The following TSHZ2 variants were observed in gnomAD, a reference collection of about 807,000 sequenced individuals.
TSHZ2 encodes the protein teashirt zinc finger homeobox 2.
Under a neutral mutation model 74.4 loss-of-function variants are expected in TSHZ2, and 21 were observed. That is an observed-to-expected ratio of 0.28 (90% CI 0.20 to 0.41). The LOEUF is 0.41. TSHZ2 is among the 10% of genes least tolerant of loss of function. The pLI is 1.00. For missense variants in TSHZ2, 1,244 were observed against 1,293.5 expected (o/e 0.96, Z 0.59); for synonymous variants, 540 against 515.3 (o/e 1.05, Z -0.65).
intron 1 of TSHZ2, among the ~76,000 whole-genome samples, chr20:53,150,344 A>G (rs1419112769): frequency 6.6e-6 from 1 of 152,200 alleles, no homozygotes; most frequent in East Asian, 1.9e-4. Context: ...GAAATTAACA[A>G]TTTAGTGATG....
intron 2 of TSHZ2, among the ~76,000 whole-genome samples, chr20:53,343,109 G>T (rs1311415383): frequency 3.3e-5 from 5 of 151,684 alleles, no homozygotes; most frequent in African/African-American, 9.7e-5. Flanking sequence ...TGGGATTACA[G>T]GCGTGTGCCA....
chr20:53,323,563 CTTTTTTTTTTT>C (rs34687825), intron 2 of TSHZ2, among the ~76,000 whole-genome samples: 30 of 36,680 alleles, frequency 8.2e-4, no homozygotes, highest in Middle Eastern at 0.036. Context: ...CCTTGGAGGG[CTTTTTTTTTTT>C]TTTTTTTTTT....
At chr20:53,252,999 T>G (rs1018437837) in intron 1 of TSHZ2, among the ~76,000 whole-genome samples, 1 of 152,140 alleles carries the variant, frequency 6.6e-6, no homozygotes, top group Non-Finnish European at 1.5e-5. Context: ...GTATCCAAAT[T>G]ACTTCTGAGC....
intron 2 of TSHZ2, among the ~76,000 whole-genome samples, chr20:53,322,328 C>G (rs1289600483): frequency 6.6e-6 from 1 of 152,142 alleles, no homozygotes; most frequent in Non-Finnish European, 1.5e-5. Flanking sequence ...GCCTGGCCAA[C>G]AGGGCAAAAC....
chr20:53,167,995 C>A (rs990760581), intron 1 of TSHZ2, among the ~76,000 whole-genome samples: 7 of 152,160 alleles, frequency 4.6e-5, no homozygotes, highest in African/African-American at 1.7e-4. Context: ...CAGGGAGTGG[C>A]AATAGTCGCC....
At chr20:53,016,168 G>A (rs1404724292) in intron 1 of TSHZ2, among the ~76,000 whole-genome samples, 3 of 152,110 alleles carry the variant, frequency 2.0e-5, no homozygotes, top group Non-Finnish European at 4.4e-5. Flanking sequence ...GCTGCCTGGG[G>A]AAGAATCATT....
chr20:53,365,755 A>G (rs917741111), intron 2 of TSHZ2, among the ~76,000 whole-genome samples: 2 of 152,072 alleles, frequency 1.3e-5, no homozygotes, highest in African/African-American at 4.8e-5. Flanking sequence ...CCATCTCACT[A>G]CTTCCAAACC....
At chr20:52,978,252 T>C (rs1301576653) in intron 1 of TSHZ2, among the ~76,000 whole-genome samples, 1 of 152,180 alleles carries the variant, frequency 6.6e-6, no homozygotes, top group Non-Finnish European at 1.5e-5. Flanking sequence ...AGACTGAGCC[T>C]GGCATTTTTT....
intron 2 of TSHZ2, among the ~76,000 whole-genome samples, chr20:53,358,214 A>C (rs1980916616): frequency 6.6e-6 from 1 of 151,964 alleles, no homozygotes; most frequent in Admixed American, 6.6e-5. Context: ...GGGGGGAAGC[A>C]AAAAAAGCAA....
intron 1 of TSHZ2, among the ~76,000 whole-genome samples, chr20:53,184,507 G>A (rs2426458): frequency 0.65 from 99,522 of 152,020 alleles, 33,922 homozygotes; most frequent in East Asian, 0.89. Flanking sequence ...TATAAAATAG[G>A]AACAAACATA....
chr20:53,216,925 C>T (rs1031694597), intron 1 of TSHZ2, among the ~76,000 whole-genome samples: 3 of 152,162 alleles, frequency 2.0e-5, no homozygotes, highest in Non-Finnish European at 2.9e-5. Context: ...CGGAGAATTC[C>T]GTGCAGGGCT....
At chr20:53,066,654 C>T (rs1177496811) in intron 1 of TSHZ2, among the ~76,000 whole-genome samples, 2 of 152,034 alleles carry the variant, frequency 1.3e-5, no homozygotes, top group East Asian at 1.9e-4. Context: ...ATAACAGGTA[C>T]GCGCCACAAC....
intron 1 of TSHZ2, among the ~76,000 whole-genome samples, chr20:53,051,995 AT>A (rs11475605): frequency 0.72 from 109,440 of 152,040 alleles, 40,522 homozygotes; most frequent in East Asian, 0.96. Flanking sequence ...TACACATAAC[AT>A]TGCAATTTAT....
intron 2 of TSHZ2, among the ~76,000 whole-genome samples, chr20:53,327,414 G>A (rs894559060): frequency 3.9e-5 from 6 of 152,156 alleles, no homozygotes; most frequent in Admixed American, 3.3e-4. Flanking sequence ...GCATGAACCC[G>A]GGAGGCGTAG....
chr20:53,044,162 T>C (rs1810332556), intron 1 of TSHZ2, among the ~76,000 whole-genome samples: 1 of 152,248 alleles, frequency 6.6e-6, no homozygotes, highest in South Asian at 2.1e-4. Flanking sequence ...GATTTTGGAA[T>C]ACGTGCAAAG....
chr20:53,411,233 A>T (rs1303522110), intron 2 of TSHZ2, among the ~76,000 whole-genome samples: 1 of 152,164 alleles, frequency 6.6e-6, no homozygotes, highest in African/African-American at 2.4e-5. Flanking sequence ...GGCCTCCCTC[A>T]ACCTTCCTGA....
chr20:53,056,189 T>C (rs1340658541), intron 1 of TSHZ2, among the ~76,000 whole-genome samples: 1 of 152,212 alleles, frequency 6.6e-6, no homozygotes, highest in Non-Finnish European at 1.5e-5. Flanking sequence ...TCAGCCTTTT[T>C]TCTTATAGCA....
At chr20:53,353,423 G>A (rs1360660645) in intron 2 of TSHZ2, among the ~76,000 whole-genome samples, 2 of 152,202 alleles carry the variant, frequency 1.3e-5, no homozygotes, top group Non-Finnish European at 2.9e-5. Context: ...GGTAAAAACT[G>A]AAGTCATACC....
chr20:53,188,823 C>A (rs972973148), intron 1 of TSHZ2, among the ~76,000 whole-genome samples: 3 of 152,010 alleles, frequency 2.0e-5, no homozygotes, highest in African/African-American at 7.3e-5. Context: ...TATATAAGAA[C>A]CTGATTAGCA....
Sources: allele counts gnomAD v4.1 joint callset (sites outside exome capture counted in the v4.1 genomes callset), GRCh38; gene constraint gnomAD v4.1.1; transcripts MANE v1.5; gene names NCBI Gene and HGNC (gene_info 2026-07-23, HGNC 2026-07-21).